The following GALNT17 variants were observed in gnomAD, a reference collection of about 807,000 sequenced individuals.
GALNT17 encodes the protein UDP-GalNAc:polypeptide N-acetylgalactosaminyltransferase-like 3.
GALNT17 carries 29 observed loss-of-function variants against 63.7 expected under a neutral mutation model. That is an observed-to-expected ratio of 0.46 (90% CI 0.34 to 0.62). The LOEUF (loss-of-function observed/expected upper bound fraction) is 0.62. GALNT17 is among the 20% of genes least tolerant of loss of function. The pLI, the probability that GALNT17 is intolerant of heterozygous loss-of-function variation, is 0.01. For synonymous variants in GALNT17, 305 were observed against 318.3 expected (o/e 0.96, Z 0.45); for missense variants, 603 against 799.6 (o/e 0.75, Z 2.97).
At chr7:71,514,545 A>G (rs1463455002) in intron 5 of GALNT17, among the ~76,000 whole-genome samples, 1 of 151,946 alleles carries the variant, frequency 6.6e-6, no homozygotes, top group Non-Finnish European at 1.5e-5. Flanking sequence ...TCCTCATCCA[A>G]TACCCATCTC....
intron 5 of GALNT17, among the ~76,000 whole-genome samples, chr7:71,512,810 T>C (rs149358578): frequency 6.3e-4 from 96 of 152,172 alleles, no homozygotes; most frequent in African/African-American, 2.3e-3. Flanking sequence ...GGGAAGGCAG[T>C]GGTGGAGTGG....
At chr7:71,346,088 G>T (rs987660406) in intron 2 of GALNT17, among the ~76,000 whole-genome samples, 1 of 151,678 alleles carries the variant, frequency 6.6e-6, no homozygotes, top group African/African-American at 2.4e-5. Context: ...AGCTACTGGG[G>T]AGGCTGAAGT....
At chr7:71,661,596 G>A (rs1405696489) in intron 6 of GALNT17, among the ~76,000 whole-genome samples, 2 of 152,310 alleles carry the variant, frequency 1.3e-5, no homozygotes, top group South Asian at 2.1e-4. Flanking sequence ...TTAGGCTGAG[G>A]CAGGCAGGAT....
chr7:71,446,929 G>C (rs1787172293), intron 5 of GALNT17, among the ~76,000 whole-genome samples: 1 of 152,200 alleles, frequency 6.6e-6, no homozygotes, highest in Admixed American at 6.5e-5. Context: ...ATTTTGAGAT[G>C]TGGGCATTAC....
At chr7:71,450,357 C>T (rs1014802401) in intron 5 of GALNT17, among the ~76,000 whole-genome samples, 3 of 151,980 alleles carry the variant, frequency 2.0e-5, no homozygotes, top group East Asian at 2.0e-4. Flanking sequence ...CTGGTCTCGT[C>T]GCGACCTCAA....
At chr7:71,202,989 C>T (rs1215898314) in intron 1 of GALNT17, among the ~76,000 whole-genome samples, 3 of 152,232 alleles carry the variant, frequency 2.0e-5, no homozygotes, top group Non-Finnish European at 4.4e-5. Context: ...TGTATACACA[C>T]GTGCACACAC....
At chr7:71,430,895 G>A (rs1192010850) in intron 5 of GALNT17, among the ~76,000 whole-genome samples, 1 of 152,142 alleles carries the variant, frequency 6.6e-6, no homozygotes, top group East Asian at 1.9e-4. Context: ...TATTTTAGGG[G>A]CCAATTGTGT....
chr7:71,227,471 G>A (rs566821676), intron 1 of GALNT17, among the ~76,000 whole-genome samples: 5 of 152,126 alleles, frequency 3.3e-5, no homozygotes, highest in African/African-American at 1.2e-4. Context: ...GAGGCCAGCC[G>A]TCCAAAAGCA....
intron 6 of GALNT17, among the ~76,000 whole-genome samples, chr7:71,592,604 T>TAAAATAAAATA (rs373519391): frequency 1.1e-4 from 16 of 147,040 alleles, no homozygotes; most frequent in Non-Finnish European, 1.7e-4. Flanking sequence ...TAAAATAAAA[T>TAAAATAAAATA]AAATAAAGCA....
intron 5 of GALNT17, among the ~76,000 whole-genome samples, chr7:71,511,073 T>A (rs1479269739): frequency 1.3e-5 from 2 of 152,156 alleles, no homozygotes; most frequent in East Asian, 3.9e-4. Context: ...TCCCAGCTAC[T>A]CAGGAGGCTG....
rs1791805840 is a variant in GALNT17 at position 71,712,202 on chromosome 7, A to G, written c.*56A>G. On this transcript the variant is annotated 3_prime_UTR_variant, in exon 11 of 11. Transcript: ENST00000333538. ...CCCCAGGACATGGCTGCTCCCCCCAACATCTGGACCAGCTGCCCTGGCGGA... is the reference window on the plus strand; with the variant it reads ...CCCCAGGACATGGCTGCTCCCCCCAGCATCTGGACCAGCTGCCCTGGCGGA... 1.9e-6 allele frequency: 3 copies of G among 1,580,298 alleles called. No homozygotes were observed. The highest frequency in any genetic ancestry group is 2.6e-6 in the Non-Finnish European group (3 of 1,163,474).
At chr7:71,534,903 G>A (rs551136403) in intron 5 of GALNT17, among the ~76,000 whole-genome samples, 5 of 151,936 alleles carry the variant, frequency 3.3e-5, no homozygotes, top group East Asian at 1.9e-4. Flanking sequence ...TGCTCACTTC[G>A]GAGAACTACA....
rs61447370 is a variant in GALNT17 at position 71,246,115 on chromosome 7, GTT to G, written c.239-89412_239-89411del. On this transcript the variant is annotated intron_variant, in intron 1 of 10. Transcript: ENST00000333538. The stretch of plus-strand genomic sequence containing the variant: ...TGATGGCCTCATAGCTTTTTTCGTT[GTT>G]TTTTTTTTTTTTTTTTTTTTTTGAG... Among the ~76,000 whole-genome samples the G allele has an allele frequency of 8.4e-3, 772 of 91,920 alleles. 4 individuals are homozygous for G. The highest frequency in any genetic ancestry group is 0.027 in the African/African-American group (654 of 24,548). The allele number at this position is 91,920 out of a possible 152,430, so 60.3% of individuals were successfully genotyped here. A position where few individuals can be genotyped will look rare whatever the true frequency, so the allele number is the denominator to read the frequency against.
At chr7:71,516,276 T>C (rs4410780) in intron 5 of GALNT17, among the ~76,000 whole-genome samples, 8,161 of 152,212 alleles carry the variant, frequency 0.054, 451 homozygotes, top group African/African-American at 0.14. Context: ...TGATTCACTT[T>C]CCAAGCTTAA....
chr7:71,255,563 G>A (rs1790273762), intron 1 of GALNT17, among the ~76,000 whole-genome samples: 1 of 152,236 alleles, frequency 6.6e-6, no homozygotes, highest in Non-Finnish European at 1.5e-5. Context: ...GAAGGAGTTT[G>A]CAGTTTACTG....
chr7:71,628,122 G>A (rs1167944703), intron 6 of GALNT17, among the ~76,000 whole-genome samples: 1 of 151,812 alleles, frequency 6.6e-6, no homozygotes, highest in Non-Finnish European at 1.5e-5. Flanking sequence ...AAAAAAAAAG[G>A]CTGAGAGACA....
At chr7:71,513,478 C>T (rs933998039) in intron 5 of GALNT17, among the ~76,000 whole-genome samples, 1 of 151,938 alleles carries the variant, frequency 6.6e-6, no homozygotes, top group Non-Finnish European at 1.5e-5. Flanking sequence ...CTCCGCCTCC[C>T]CAGTTCAAGC....
At chr7:71,500,146 C>A (rs1788157382) in intron 5 of GALNT17, among the ~76,000 whole-genome samples, 1 of 152,126 alleles carries the variant, frequency 6.6e-6, no homozygotes, top group Non-Finnish European at 1.5e-5. Flanking sequence ...ACTCGTCCAT[C>A]CCAATTGATT....
intron 2 of GALNT17, among the ~76,000 whole-genome samples, chr7:71,348,200 G>T (rs1277240552): frequency 6.6e-6 from 1 of 151,800 alleles, no homozygotes; most frequent in African/African-American, 2.4e-5. Flanking sequence ...GAAGGAGGTG[G>T]CAGTGAGCCA....
Sources: allele counts gnomAD v4.1 joint callset (sites outside exome capture counted in the v4.1 genomes callset), GRCh38; gene constraint gnomAD v4.1.1; transcripts MANE v1.5; gene names NCBI Gene and HGNC (gene_info 2026-07-23, HGNC 2026-07-21).